The following PABPC4L variants were observed in gnomAD, a reference collection of about 807,000 sequenced individuals.
PABPC4L encodes poly(A) binding protein cytoplasmic 4 like.
For missense variants in PABPC4L, 452 were observed against 451.4 expected (o/e 1.00, Z -0.01); for synonymous variants, 169 against 164.1 (o/e 1.03, Z -0.23).
At chr4:133,952,682 C>T in the PABPC4L span, among the ~76,000 whole-genome samples, 2 of 152,040 alleles carry the variant, frequency 1.3e-5, no homozygotes, top group African/African-American at 4.8e-5. Flanking sequence ...TGTTGCCTTC[C>T]TTAACCCACA....
At chr4:134,124,022 A>C in the PABPC4L span, among the ~76,000 whole-genome samples, 1 of 152,066 alleles carries the variant, frequency 6.6e-6, no homozygotes, top group Non-Finnish European at 1.5e-5. Flanking sequence ...ATTTTTAGAG[A>C]GAGTTCAAAG....
Position 134,200,677 on chromosome 4 carries a change from A to C in PABPC4L, c.343T>G (p.Tyr115Asp). 6.4e-7 allele frequency: 1 copy of C among 1,551,656 alleles called. No homozygotes were observed. The highest frequency in any genetic ancestry group is 8.7e-7 in the Non-Finnish European group (1 of 1,146,970). ...TTTCCAAAAGCTGAAAAATGTTCAT[A>C]AAGGGTTTTGTTATCGATAGATTTG... ...LDKSIDNKTL[Y>D]EHFSAFGKIL... The change falls in exon 2 of 2, where the codon TAT (tyrosine) becomes GAT (aspartate). Residue 115 changes from tyrosine (Y) to aspartate (D), a missense_variant. Transcript: ENST00000421491.
chr4:133,997,934 T>A, the PABPC4L span, among the ~76,000 whole-genome samples: 1 of 152,042 alleles, frequency 6.6e-6, no homozygotes, highest in Admixed American at 6.6e-5. Context: ...ATTTTATTGT[T>A]TATATATATC....
At chr4:134,176,837 C>A in the PABPC4L span, among the ~76,000 whole-genome samples, 1 of 152,032 alleles carries the variant, frequency 6.6e-6, no homozygotes, top group African/African-American at 2.4e-5. Context: ...TAAGAGAATC[C>A]CCCTGGCGCC....
the PABPC4L span, among the ~76,000 whole-genome samples, chr4:134,009,422 C>T: frequency 7.0e-3 from 1,068 of 152,034 alleles, 43 homozygotes; most frequent in Admixed American, 0.062. Flanking sequence ...AGCACAACCT[C>T]TATGGTCTAT....
the PABPC4L span, among the ~76,000 whole-genome samples, chr4:133,999,239 T>C: frequency 6.6e-6 from 1 of 152,076 alleles, no homozygotes; most frequent in Non-Finnish European, 1.5e-5. Flanking sequence ...ACACTTTTCT[T>C]TTGTAAATTT....
chr4:133,995,101 C>T, the PABPC4L span, among the ~76,000 whole-genome samples: 3 of 152,288 alleles, frequency 2.0e-5, no homozygotes, highest in South Asian at 6.2e-4. Flanking sequence ...TGGAGCGGGG[C>T]CTGGGGCCAG....
the PABPC4L span, among the ~76,000 whole-genome samples, chr4:134,100,617 CCTCT>C: frequency 6.6e-6 from 1 of 151,562 alleles, no homozygotes; most frequent in Non-Finnish European, 1.5e-5. Flanking sequence ...TTTTTTACTA[CCTCT>C]CTATGTACCC....
downstream of PABPC4L, among the ~76,000 whole-genome samples, chr4:134,192,026 C>T (rs78252018): frequency 2.0e-5 from 3 of 151,780 alleles, no homozygotes; most frequent in African/African-American, 7.3e-5. Flanking sequence ...ATTAATATAA[C>T]CGAGAGAACT....
At chr4:134,059,135 A>G in the PABPC4L span, among the ~76,000 whole-genome samples, 13 of 152,012 alleles carry the variant, frequency 8.6e-5, no homozygotes, top group East Asian at 2.5e-3. Flanking sequence ...TGTCACCCCA[A>G]ATCCAGGTAA....
At chr4:134,107,756 T>A in the PABPC4L span, among the ~76,000 whole-genome samples, 2 of 151,686 alleles carry the variant, frequency 1.3e-5, no homozygotes, top group African/African-American at 4.8e-5. Context: ...GCTCATAATT[T>A]GAGACACTAT....
At chr4:134,129,926 G>A in the PABPC4L span, among the ~76,000 whole-genome samples, 25 of 151,948 alleles carry the variant, frequency 1.6e-4, no homozygotes, top group Admixed American at 8.5e-4. Context: ...TTAGCCAGGC[G>A]TGGTGGTGTG....
chr4:133,961,366 G>C, the PABPC4L span, among the ~76,000 whole-genome samples: 2 of 138,618 alleles, frequency 1.4e-5, no homozygotes, highest in African/African-American at 6.3e-5. Flanking sequence ...GGATTTCCTA[G>C]GCTGACTAAG....
chr4:134,072,239 C>G, the PABPC4L span, among the ~76,000 whole-genome samples: 2 of 152,098 alleles, frequency 1.3e-5, 1 homozygote, highest in Non-Finnish European at 2.9e-5. Context: ...AGTTCCAGTT[C>G]TCTCCATAAA....
chr4:134,019,450 C>T, the PABPC4L span, among the ~76,000 whole-genome samples: 1 of 152,002 alleles, frequency 6.6e-6, no homozygotes, highest in African/African-American at 2.4e-5. Flanking sequence ...AACTGATTTC[C>T]ATCAAATAAG....
the PABPC4L span, among the ~76,000 whole-genome samples, chr4:134,085,804 T>C: frequency 6.6e-6 from 1 of 152,188 alleles, no homozygotes; most frequent in African/African-American, 2.4e-5. Context: ...TTGTTCTACT[T>C]TTGATATGCA....
At chr4:134,095,329 G>A in the PABPC4L span, among the ~76,000 whole-genome samples, 1 of 151,876 alleles carries the variant, frequency 6.6e-6, no homozygotes, top group South Asian at 2.1e-4. Flanking sequence ...TCACTCTAGT[G>A]TGATACAATA....
the PABPC4L span, among the ~76,000 whole-genome samples, chr4:133,997,223 C>A: frequency 6.6e-6 from 1 of 152,136 alleles, no homozygotes; most frequent in African/African-American, 2.4e-5. Flanking sequence ...ACATCTCTCG[C>A]TTTAAATCAA....
At chr4:133,954,008 T>G in the PABPC4L span, among the ~76,000 whole-genome samples, 1 of 152,232 alleles carries the variant, frequency 6.6e-6, no homozygotes, top group Admixed American at 6.5e-5. Context: ...ACCTGTCCCA[T>G]AGGGACTTCT....
Sources: allele counts gnomAD v4.1 joint callset (sites outside exome capture counted in the v4.1 genomes callset), GRCh38; gene constraint gnomAD v4.1.1; transcripts MANE v1.5; gene names NCBI Gene and HGNC (gene_info 2026-07-23, HGNC 2026-07-21).